Variants in ZCCHC7 observed in about 807,000 individuals in gnomAD.
The protein encoded by ZCCHC7 is zinc finger CCHC domain-containing protein 7.
ZCCHC7 carries 35 observed loss-of-function variants against 52.0 expected under a neutral mutation model. The observed-to-expected ratio is 0.67, with a 90% CI of 0.51 to 0.89. The LOEUF is 0.89. ZCCHC7 is among the 40% of genes least tolerant of loss of function. The pLI is 0.00. For synonymous variants in ZCCHC7, 217 were observed against 221.5 expected (o/e 0.98, Z 0.18); for missense variants, 574 against 649.1 (o/e 0.88, Z 1.26).
chr9:37,243,361 A>G (rs1165998252), intron 2 of ZCCHC7, among the ~76,000 whole-genome samples: 2 of 151,870 alleles, frequency 1.3e-5, no homozygotes, highest in Non-Finnish European at 3.0e-5. Context: ...ATATCTGGTC[A>G]CTAATACTGT....
intron 2 of ZCCHC7, chr9:37,186,852 C>A (rs1822687088): frequency 2.7e-6 from 1 of 368,866 alleles, no homozygotes; most frequent in South Asian, 8.6e-5. Context: ...TGAATTTGCA[C>A]CTACTCTGTA....
chr9:37,159,526 C>T (rs772083279), intron 2 of ZCCHC7, among the ~76,000 whole-genome samples: 3 of 152,052 alleles, frequency 2.0e-5, no homozygotes, highest in East Asian at 1.9e-4. Context: ...AAACTGAGAA[C>T]CTTTTGATTT....
chr9:37,264,177 ATGTGGAGGTAATATTCCTACAATGGATG>A (rs1244649328), intron 2 of ZCCHC7, among the ~76,000 whole-genome samples: 4 of 152,208 alleles, frequency 2.6e-5, no homozygotes, highest in Non-Finnish European at 5.9e-5. Flanking sequence ...CTCCTTTATA[ATGTGGAGGTAATATTCCTACAATGGATG>A]CTTGTGAAAA....
chr9:37,177,927 A>G (rs10973242), intron 2 of ZCCHC7, among the ~76,000 whole-genome samples: 20,694 of 152,194 alleles, frequency 0.14, 1,710 homozygotes, highest in Non-Finnish European at 0.17. Flanking sequence ...ATAGAATTCT[A>G]GAACAGAAAA....
intron 2 of ZCCHC7, among the ~76,000 whole-genome samples, chr9:37,165,395 G>C (rs1160164092): frequency 6.6e-6 from 1 of 151,932 alleles, no homozygotes; most frequent in Non-Finnish European, 1.5e-5. Context: ...TCTTGTTCCT[G>C]TTTTTGAGGG....
At chr9:37,234,397 A>G (rs7862141) in intron 2 of ZCCHC7, among the ~76,000 whole-genome samples, 7,723 of 152,326 alleles carry the variant, frequency 0.051, 639 homozygotes, top group African/African-American at 0.17. Context: ...AGACAGAGAT[A>G]GTATCTTTTT....
chr9:37,304,184 T>G lies in ZCCHC7; in HGVS notation c.655-4T>G. On this transcript the variant is annotated splice_region_variant and splice_polypyrimidine_tract_variant and intron_variant, in intron 3 of 8. Transcript: ENST00000336755. Reference sequence around the variant, plus strand: ...TTTTAATTCTTGATTTTTTTTTCCCTTAGGCCCAGATAGCTAATAACCGAA... The same window carrying G: ...TTTTAATTCTTGATTTTTTTTTCCCGTAGGCCCAGATAGCTAATAACCGAA... 6.3e-7 allele frequency: 1 copy of G among 1,599,008 alleles called. No homozygotes were observed. The highest frequency in any genetic ancestry group is 8.5e-7 in the Non-Finnish European group (1 of 1,174,996).
chr9:37,335,792 G>C (rs1830622561), intron 6 of ZCCHC7, among the ~76,000 whole-genome samples: 1 of 151,992 alleles, frequency 6.6e-6, no homozygotes, highest in East Asian at 1.9e-4. Flanking sequence ...ATTTATACTT[G>C]TCTTATTCTT....
intron 6 of ZCCHC7, among the ~76,000 whole-genome samples, chr9:37,347,938 C>T (rs1821093177): frequency 6.6e-6 from 1 of 152,210 alleles, no homozygotes; most frequent in African/African-American, 2.4e-5. Flanking sequence ...TATGTCTCTG[C>T]ATCCTTTAAC....
intron 5 of ZCCHC7, among the ~76,000 whole-genome samples, chr9:37,306,170 C>T (rs891737654): frequency 3.3e-5 from 5 of 151,820 alleles, no homozygotes; most frequent in Admixed American, 2.0e-4. Context: ...CGGGTTCCAG[C>T]GATTCTCCTG....
At chr9:37,290,639 G>A (rs552721764) in intron 2 of ZCCHC7, among the ~76,000 whole-genome samples, 29 of 152,074 alleles carry the variant, frequency 1.9e-4, no homozygotes, top group Non-Finnish European at 2.9e-4. Context: ...CAGCCAGAGC[G>A]ACAGAGTGAG....
At chr9:37,250,594 G>A (rs529267339) in intron 2 of ZCCHC7, among the ~76,000 whole-genome samples, 2 of 152,118 alleles carry the variant, frequency 1.3e-5, no homozygotes, top group Admixed American at 1.3e-4. Context: ...GAGCCACCAC[G>A]CCTGGCCTCT....
intron 2 of ZCCHC7, among the ~76,000 whole-genome samples, chr9:37,224,233 A>G (rs1017863975): frequency 3.9e-5 from 6 of 152,170 alleles, no homozygotes; most frequent in Non-Finnish European, 8.8e-5. Context: ...ACAGAGATCA[A>G]TGAAAAATTA....
intron 2 of ZCCHC7, among the ~76,000 whole-genome samples, chr9:37,216,370 G>A (rs1287183007): frequency 6.6e-6 from 1 of 152,012 alleles, no homozygotes. Context: ...GCTCTAAATG[G>A]TTAGAAAACA....
intron 2 of ZCCHC7, among the ~76,000 whole-genome samples, chr9:37,191,984 G>C (rs1433860658): frequency 6.6e-6 from 1 of 152,178 alleles, no homozygotes; most frequent in Non-Finnish European, 1.5e-5. Flanking sequence ...ATGCAAAAGT[G>C]TTATAAAGAG....
intron 6 of ZCCHC7, among the ~76,000 whole-genome samples, chr9:37,336,743 A>T (rs1182498635): frequency 6.6e-6 from 1 of 151,334 alleles, no homozygotes; most frequent in African/African-American, 2.5e-5. Context: ...TTTATAGTCT[A>T]GCCCAATAAA....
At chr9:37,254,732 A>G (rs1219629847) in intron 2 of ZCCHC7, among the ~76,000 whole-genome samples, 2 of 151,420 alleles carry the variant, frequency 1.3e-5, no homozygotes, top group African/African-American at 2.4e-5. Flanking sequence ...GGGACCAGAA[A>G]TGTTTTAGAT....
chr9:37,234,979 A>G (rs1028196339), intron 2 of ZCCHC7, among the ~76,000 whole-genome samples: 3 of 152,154 alleles, frequency 2.0e-5, no homozygotes, highest in African/African-American at 7.2e-5. Flanking sequence ...TTCAATTCAT[A>G]TTTGTGGGGT....
intron 2 of ZCCHC7, among the ~76,000 whole-genome samples, chr9:37,295,131 A>G (rs1245809591): frequency 6.6e-6 from 1 of 152,204 alleles, no homozygotes; most frequent in African/African-American, 2.4e-5. Flanking sequence ...GGGGTACCAG[A>G]TAAGACTTCA....
Sources: allele counts gnomAD v4.1 joint callset (sites outside exome capture counted in the v4.1 genomes callset), GRCh38; gene constraint gnomAD v4.1.1; transcripts MANE v1.5; gene names NCBI Gene and HGNC (gene_info 2026-07-23, HGNC 2026-07-21).